The following RASGEF1C variants were observed in gnomAD, a reference collection of about 807,000 sequenced individuals.
RASGEF1C encodes ras-GEF domain-containing family member 1C.
A neutral mutation model predicts 58.1 loss-of-function variants in RASGEF1C; 27 were observed. The observed-to-expected ratio is 0.46, with a 90% CI of 0.34 to 0.64. The LOEUF (loss-of-function observed/expected upper bound fraction) is 0.64, where lower values mean the gene tolerates loss of function less well. Ranked by LOEUF, RASGEF1C falls within the 30% of genes least tolerant of loss-of-function variation. The probability of loss-of-function intolerance (pLI) is 0.01; values close to 1 mark genes in which losing one functional copy is unlikely to be tolerated. For missense variants in RASGEF1C, 502 were observed against 605.1 expected (o/e 0.83, Z 1.79); for synonymous variants, 243 against 246.3 (o/e 0.99, Z 0.13).
At chr5:180,186,034 T>C (rs1581126025) in intron 1 of RASGEF1C, among the ~76,000 whole-genome samples, 1 of 146,970 alleles carries the variant, frequency 6.8e-6, no homozygotes, top group East Asian at 2.0e-4. Context: ...GAGGTCGAGG[T>C]TGCAGTGAGC....
At chr5:180,178,208 C>T (rs2386696) in intron 1 of RASGEF1C, among the ~76,000 whole-genome samples, 119,881 of 138,640 alleles carry the variant, frequency 0.86, 51,935 homozygotes, top group East Asian at 0.9. Flanking sequence ...TATCTGGCCT[C>T]GTGATCTGCT....
chr5:180,134,474 G>A (rs760635612), intron 4 of RASGEF1C, among the ~76,000 whole-genome samples: 27 of 151,514 alleles, frequency 1.8e-4, no homozygotes, highest in Middle Eastern at 3.4e-3. Flanking sequence ...GCTGACCCTT[G>A]GTGGTCAAAG....
intron 1 of RASGEF1C, among the ~76,000 whole-genome samples, chr5:180,181,535 G>A (rs1209428692): frequency 1.3e-5 from 2 of 152,194 alleles, no homozygotes; most frequent in African/African-American, 2.4e-5. Flanking sequence ...CTTAGAAGAC[G>A]TGGGCACACA....
At chr5:180,138,459 G>A (rs1766524602) in intron 1 of RASGEF1C, 1 of 162,324 alleles carries the variant, frequency 6.2e-6, no homozygotes, top group African/African-American at 2.4e-5. Flanking sequence ...AATTAGGGGG[G>A]CTCAGCTGCA....
At chr5:180,124,899 A>G (rs746593085) in intron 6 of RASGEF1C, among the ~76,000 whole-genome samples, 16 of 152,194 alleles carry the variant, frequency 1.1e-4, no homozygotes, top group Admixed American at 7.9e-4. Flanking sequence ...TGGGAAGCCA[A>G]TGCAAGCAGA....
At position 180,137,533 on chromosome 5, in the gene RASGEF1C, G is replaced by A; in HGVS notation, c.300+57C>T. The A allele has an allele frequency of 1.9e-6, 3 of 1,579,426 alleles. No homozygotes were observed. The highest frequency in any genetic ancestry group is 2.6e-6 in the Non-Finnish European group (3 of 1,164,868). ...TCCCCGAGAGGCTGATGCGTTGAGGGCATGGCAGGGCAGTGCTGGTACACT... is the reference window on the plus strand; with the variant it reads ...TCCCCGAGAGGCTGATGCGTTGAGGACATGGCAGGGCAGTGCTGGTACACT... On this transcript the variant is annotated intron_variant, in intron 3 of 13. Transcript: ENST00000361132. This position sits in a 1 kb window ranked among gnomAD's most constrained non-coding sequence, Gnocchi z 4.1.
intron 1 of RASGEF1C, among the ~76,000 whole-genome samples, chr5:180,148,181 T>C (rs1216393974): frequency 1.3e-5 from 2 of 152,208 alleles, no homozygotes; most frequent in Non-Finnish European, 2.9e-5. Context: ...TTTTTGTTAC[T>C]GTTTACATGG....
intron 12 of RASGEF1C, among the ~76,000 whole-genome samples, chr5:180,108,342 C>T (rs1193081648): frequency 6.6e-6 from 1 of 151,930 alleles, no homozygotes; most frequent in African/African-American, 2.4e-5. Flanking sequence ...GTTGGGACTA[C>T]AGGTGCCCGA....
chr5:180,204,975 A>C (rs1756464187), intron 1 of RASGEF1C, among the ~76,000 whole-genome samples: 2 of 152,128 alleles, frequency 1.3e-5, no homozygotes, highest in African/African-American at 4.8e-5. Flanking sequence ...GATCATCTGA[A>C]GTCAGGAGTT....
chr5:180,181,648 C>A (rs1257252961), intron 1 of RASGEF1C, among the ~76,000 whole-genome samples: 1 of 152,154 alleles, frequency 6.6e-6, no homozygotes, highest in African/African-American at 2.4e-5. Flanking sequence ...TGGGAACAGG[C>A]AGGGAAGGGT....
At chr5:180,196,221 C>T (rs911929563) in intron 1 of RASGEF1C, among the ~76,000 whole-genome samples, 7 of 150,750 alleles carry the variant, frequency 4.6e-5, no homozygotes, top group Non-Finnish European at 7.5e-5. Context: ...TGTTCAGGGC[C>T]GGGCTCAGTG....
chr5:180,120,883 A>G (rs889904437), intron 7 of RASGEF1C, among the ~76,000 whole-genome samples, 177 bp downstream of exon 7: 1 of 152,008 alleles, frequency 6.6e-6, no homozygotes, highest in Non-Finnish European at 1.5e-5. Context: ...TTGGAGGGAA[A>G]TGTCACTGTA....
intron 1 of RASGEF1C, among the ~76,000 whole-genome samples, chr5:180,164,437 T>C (rs994250986): frequency 6.6e-6 from 1 of 152,234 alleles, no homozygotes; most frequent in African/African-American, 2.4e-5. Context: ...GATGTTTTGA[T>C]ATAAATTACT....
At chr5:180,195,570 C>G (rs1396146354) in intron 1 of RASGEF1C, among the ~76,000 whole-genome samples, 3 of 151,902 alleles carry the variant, frequency 2.0e-5, no homozygotes, top group Non-Finnish European at 4.4e-5. Flanking sequence ...ACCAGCCTGG[C>G]GAACATGGTG....
chr5:180,201,998 A>G (rs956552977), intron 1 of RASGEF1C, among the ~76,000 whole-genome samples: 1 of 152,232 alleles, frequency 6.6e-6, no homozygotes, highest in East Asian at 1.9e-4. Context: ...CTAAAAATTC[A>G]GACACATGAA....
intron 1 of RASGEF1C, among the ~76,000 whole-genome samples, chr5:180,163,435 G>A (rs554979431): frequency 1.3e-5 from 2 of 151,894 alleles, no homozygotes; most frequent in East Asian, 3.9e-4. Context: ...TCTGTACCTA[G>A]TTTGTGAGGA....
intron 1 of RASGEF1C, among the ~76,000 whole-genome samples, chr5:180,206,696 G>A (rs1401432997): frequency 6.6e-6 from 1 of 152,074 alleles, no homozygotes; most frequent in Non-Finnish European, 1.5e-5. Flanking sequence ...TCATCCAGAG[G>A]ACATAATTTG....
intron 4 of RASGEF1C, among the ~76,000 whole-genome samples, chr5:180,135,516 G>A (rs577628321): frequency 6.6e-6 from 1 of 152,304 alleles, no homozygotes; most frequent in African/African-American, 2.4e-5. Context: ...CACCAGTGCT[G>A]CCCACAGTGG....
intron 1 of RASGEF1C, among the ~76,000 whole-genome samples, chr5:180,203,159 G>C (rs956389664): frequency 3.9e-5 from 6 of 152,160 alleles, no homozygotes; most frequent in African/African-American, 1.2e-4. Flanking sequence ...TCTACCTCTT[G>C]GTGTTCATAC....
Sources: gnomAD v4.1 joint callset for allele counts (sites outside exome capture counted in the v4.1 genomes callset) on GRCh38, gnomAD v4.1.1 for gene constraint, Gnocchi (gnomAD v3.1) non-coding constraint, MANE v1.5 for transcripts, NCBI Gene and HGNC (gene_info 2026-07-23, HGNC 2026-07-21) for gene names.